The following F13A1 variants were observed in gnomAD, a reference collection of about 807,000 sequenced individuals.
F13A1 encodes coagulation factor XIII A chain.
A neutral mutation model predicts 80.1 loss-of-function variants in F13A1; 47 were observed. That is an observed-to-expected ratio of 0.59 (90% CI 0.46 to 0.75). The LOEUF (loss-of-function observed/expected upper bound fraction) is 0.75. Ranked by LOEUF, F13A1 falls within the 30% of genes least tolerant of loss-of-function variation. The pLI is 0.00. For synonymous variants in F13A1, 349 were observed against 344.9 expected (o/e 1.01, Z -0.13); for missense variants, 817 against 930.4 (o/e 0.88, Z 1.59).
At chr6:6,264,801 G>A (rs528205453) in intron 4 of F13A1, among the ~76,000 whole-genome samples, 1 of 152,284 alleles carries the variant, frequency 6.6e-6, no homozygotes, top group South Asian at 2.1e-4. Context: ...TTACTATCAA[G>A]AGTTCATTTT....
chr6:6,215,154 G>C (rs1212151471), intron 8 of F13A1, among the ~76,000 whole-genome samples: 4 of 129,440 alleles, frequency 3.1e-5, no homozygotes, highest in African/African-American at 5.6e-5. Flanking sequence ...AATAGAAAAA[G>C]AGGGAATCCT....
chr6:6,250,876 C>A lies in F13A1; in HGVS notation c.625G>T (p.Asp209Tyr). The change falls in exon 5 of 15, where the codon GAC becomes TAC. Residue 209 changes from aspartate to tyrosine, a missense_variant. Physicochemically the swap from Asp to Tyr is radical, Grantham distance 160. Coordinates refer to ENST00000264870, the MANE Select transcript of F13A1 (RefSeq NM_000129.4). The surrounding 1 kb of genome is among the most constrained non-coding windows in gnomAD (Gnocchi z 4.2). ...TCTCCATAAAAAATTACCCCGATGT[C>A]ATTCAGGACATACTCTTCTCTTTCT... ...EKEREEYVLN[D>Y]IGVIFYGEVN... The A allele has an allele frequency of 6.2e-7, 1 of 1,613,698 alleles. No individual in the cohort carries two copies. The highest frequency in any genetic ancestry group is 1.1e-5 in the South Asian group (1 of 91,070).
At chr6:6,265,467 G>A (rs1757831026) in intron 4 of F13A1, among the ~76,000 whole-genome samples, 1 of 152,162 alleles carries the variant, frequency 6.6e-6, no homozygotes. Flanking sequence ...TGTGGGAGCA[G>A]GGGAGAGGTA....
At chr6:6,316,392 G>C (rs1758687305) in intron 2 of F13A1, among the ~76,000 whole-genome samples, 2 of 151,726 alleles carry the variant, frequency 1.3e-5, no homozygotes, top group Non-Finnish European at 2.9e-5. Context: ...TCCTATGCCA[G>C]TGCCTCTAAT....
At chr6:6,148,017 T>C (rs1168021213) in intron 14 of F13A1, among the ~76,000 whole-genome samples, 1 of 152,194 alleles carries the variant, frequency 6.6e-6, no homozygotes, top group Non-Finnish European at 1.5e-5. Context: ...CAACTGCCCA[T>C]GGTTTGTCCT....
chr6:6,312,889 G>A (rs1309853997), intron 2 of F13A1, among the ~76,000 whole-genome samples: 2 of 151,770 alleles, frequency 1.3e-5, no homozygotes, highest in African/African-American at 4.8e-5. Flanking sequence ...TAGAGGTGAG[G>A]TCCCCAATAC....
At chr6:6,282,609 ACAC>A (rs1245980390) in intron 3 of F13A1, among the ~76,000 whole-genome samples, 1 of 152,194 alleles carries the variant, frequency 6.6e-6, no homozygotes, top group Non-Finnish European at 1.5e-5. Flanking sequence ...TCTGCCCAAG[ACAC>A]CTTCGGAAAT....
intron 3 of F13A1, among the ~76,000 whole-genome samples, chr6:6,294,485 TTAAA>T (rs906488379): frequency 1.3e-5 from 2 of 151,786 alleles, no homozygotes; most frequent in African/African-American, 2.4e-5. Flanking sequence ...AAATTAATAC[TTAAA>T]TAAACTCCCC....
chr6:6,228,336 A>G lies in F13A1; in HGVS notation c.799-3476T>C, dbSNP rs369333364. ...ACAAAACATGAGGACTATGGAGTAA[A>G]GCAGAGAGGCAACATGGCTCAGCTC... On this transcript the variant is annotated intron_variant, in intron 6 of 14. Transcript: ENST00000264870. Among the ~76,000 whole-genome samples, 10 of 152,240 alleles carry G rather than the reference A, an allele frequency of 6.6e-5. 1 individual carries two copies. The East Asian group carries it at 9.6e-4, about 15-fold the overall frequency.
At chr6:6,176,163 GA>G (rs11322886) in intron 11 of F13A1, among the ~76,000 whole-genome samples, 25,382 of 151,124 alleles carry the variant, frequency 0.17, 2,599 homozygotes, top group African/African-American at 0.29. Flanking sequence ...AATGGCTAGT[GA>G]AAAAAAAATC....
intron 4 of F13A1, among the ~76,000 whole-genome samples, chr6:6,263,465 C>T (rs1757804383): frequency 1.3e-5 from 2 of 152,296 alleles, no homozygotes; most frequent in South Asian, 4.1e-4. Flanking sequence ...CCACTGACTG[C>T]TCCTGCTCAG....
Position 6,269,114 on chromosome 6 carries a change from G to A in F13A1, c.320-2305C>T, listed in dbSNP as rs552841222. On this transcript the variant is annotated intron_variant, in intron 3 of 14. Transcript: ENST00000264870. ...AAGGTGAATGTCCCAAGGAAAGTAC[G>A]TTACTTGTGTTGATTGAGATATTGT... Among the ~76,000 whole-genome samples, 4 of 152,240 alleles carry A rather than the reference G, an allele frequency of 2.6e-5. No homozygotes were observed. In the South Asian group the frequency reaches 6.2e-4, roughly 24 times the overall value.
intron 12 of F13A1, among the ~76,000 whole-genome samples, chr6:6,174,042 T>C (rs1156419864): frequency 6.6e-6 from 1 of 152,230 alleles, no homozygotes; most frequent in Non-Finnish European, 1.5e-5. Flanking sequence ...CATGGGGCTC[T>C]AGGCTTTGAA....
At position 6,250,822 on chromosome 6, in the gene F13A1, T is replaced by C; in HGVS notation, c.679A>G (p.Ser227Gly). ...TTTAAGTGGCTCACCTGACCATAGC[T>C]CCAGCTTCTGGTCTTGATGTCATTG... is the stretch of plus-strand genomic sequence containing the variant. ...EVNDIKTRSW[S>G]YGQFEDGILD... The change falls in exon 5 of 15, where the codon AGC (serine) becomes GGC (glycine). Residue 227 changes from serine (S) to glycine (G), a missense_variant. Ser to Gly is a moderately conservative substitution (Grantham distance 56). Transcript: ENST00000264870. This position sits in a 1 kb window ranked among gnomAD's most constrained non-coding sequence, Gnocchi z 4.2. The C allele has an allele frequency of 6.2e-7, 1 of 1,608,858 alleles. No individual in the cohort carries two copies. The highest frequency in any genetic ancestry group is 1.7e-4 in the Middle Eastern group (1 of 6,054).
intron 6 of F13A1, among the ~76,000 whole-genome samples, chr6:6,239,186 G>A (rs1757453427): frequency 6.6e-6 from 1 of 152,128 alleles, no homozygotes; most frequent in Non-Finnish European, 1.5e-5. Flanking sequence ...GGAAAGCATT[G>A]AAAACACATG....
intron 10 of F13A1, among the ~76,000 whole-genome samples, chr6:6,185,046 A>G (rs570314708): frequency 6.6e-6 from 1 of 152,306 alleles, no homozygotes; most frequent in African/African-American, 2.4e-5. Context: ...GCTCTATGGT[A>G]GAACAATAGA....
chr6:6,291,543 G>C (rs1186099853), intron 3 of F13A1, among the ~76,000 whole-genome samples: 3 of 152,074 alleles, frequency 2.0e-5, no homozygotes, highest in Non-Finnish European at 4.4e-5. Context: ...AGTTCAACCA[G>C]TGTCCCCCAA....
intron 8 of F13A1, among the ~76,000 whole-genome samples, chr6:6,208,480 G>T (rs1761533974): frequency 6.6e-6 from 1 of 152,066 alleles, no homozygotes; most frequent in Non-Finnish European, 1.5e-5. Flanking sequence ...GTAGCAGAAA[G>T]AATATTTGAA....
rs761454622 is a variant in F13A1 at position 6,174,863 on chromosome 6, T to C, written c.1464A>G (p.Gln488=). The C allele has an allele frequency of 6.2e-7, 1 of 1,614,176 alleles. No individual in the cohort carries two copies. The highest frequency in any genetic ancestry group is 1.1e-5 in the South Asian group (1 of 91,080). Residue 488 remains glutamine (Q), a synonymous_variant, in exon 12 of 15, where the codon CAA becomes CAG. Transcript: ENST00000264870. ...TTTCTAGGGCCAATCTCTCTTCTTC[T>C]TGACCTGGGGGAGATCCAGAGATAA... The part of the protein sequence containing the change: ...ITDTYKFQEG[Q]EEERLALETA...
Sources: gnomAD v4.1 joint callset for allele counts (sites outside exome capture counted in the v4.1 genomes callset) on GRCh38, gnomAD v4.1.1 for gene constraint, Gnocchi (gnomAD v3.1) non-coding constraint, MANE v1.5 for transcripts, NCBI Gene and HGNC (gene_info 2026-07-23, HGNC 2026-07-21) for gene names.